The following VRK3 variants were observed in gnomAD, a reference collection of about 807,000 sequenced individuals.
VRK3 encodes VRK serine/threonine kinase 3.
Under a neutral mutation model 60.4 loss-of-function variants are expected in VRK3, and 50 were observed. The observed-to-expected ratio is 0.83, with a 90% CI of 0.66 to 1.05. VRK3 has a LOEUF of 1.05. Among genes scored for constraint, VRK3 ranks in the 50% least tolerant of loss-of-function variants. The pLI, the probability that VRK3 is intolerant of heterozygous loss-of-function variation, is 0.00. For synonymous variants in VRK3, 246 were observed against 227.8 expected, an observed-to-expected ratio of 1.08 and a Z score of -0.72; for missense variants, 549 against 585.3, an observed-to-expected ratio of 0.94 and a Z score of 0.64.
intron 13 of VRK3, among the ~76,000 whole-genome samples, chr19:49,979,945 G>A (rs965214839): frequency 6.6e-6 from 1 of 152,044 alleles, no homozygotes; most frequent in Non-Finnish European, 1.5e-5. Flanking sequence ...AGCTATTTGG[G>A]AGGCAGAGGC....
chr19:50,023,189 C>G (rs1193819805), intron 1 of VRK3, among the ~76,000 whole-genome samples: 1 of 152,100 alleles, frequency 6.6e-6, no homozygotes, highest in Non-Finnish European at 1.5e-5. Flanking sequence ...TGTGTTTTTT[C>G]TTTTCTTTTT....
At position 50,021,304 on chromosome 19, in the gene VRK3, C is replaced by G. The variant is rs553360735; in HGVS notation, c.-64-657G>C. ...AGGAGTCAGGGTCTCTGTTCCTCCC[C>G]CTTTGGATCTCGGCAGAGCTGTGAC... On this transcript the variant is annotated intron_variant, in intron 1 of 14. Transcript: ENST00000316763. Among the ~76,000 whole-genome samples the G allele has an allele frequency of 2.8e-4, 42 of 152,314 alleles. No individual in the cohort carries two copies. The South Asian group carries it at 3.7e-3, about 14-fold the overall frequency.
At chr19:50,014,236 C>G (rs2077038871) in intron 3 of VRK3, among the ~76,000 whole-genome samples, 1 of 151,990 alleles carries the variant, frequency 6.6e-6, no homozygotes, top group Non-Finnish European at 1.5e-5. Context: ...CCACTGCACT[C>G]CAGCCTGGGT....
chr19:50,019,354 C>A (rs1360808467), intron 2 of VRK3: 2 of 151,570 alleles, frequency 1.3e-5, no homozygotes, highest in Non-Finnish European at 2.9e-5. Flanking sequence ...AGGCGTGGGC[C>A]ACCATGCCTG....
chr19:49,995,359 A>G (rs546070278), intron 7 of VRK3, 84 bp from the exon 8 acceptor site: 7 of 1,259,708 alleles, frequency 5.6e-6, no homozygotes, highest in East Asian at 4.7e-5. Flanking sequence ...GAAGAAGCAC[A>G]GAGTGCCCAG....
At chr19:49,997,467 TCA>T in intron 7 of VRK3, 35 bp downstream of exon 7, 2 of 1,609,734 alleles carry the variant, frequency 1.2e-6, no homozygotes, top group Non-Finnish European at 1.7e-6. Flanking sequence ...GGCGCCCCCC[TCA>T]CTCTCCCCTC....
intron 5 of VRK3, among the ~76,000 whole-genome samples, chr19:50,006,159 A>T (rs1418439846): frequency 2.0e-5 from 3 of 151,178 alleles, no homozygotes. Context: ...AAATAAAAAA[A>T]TTTAGCCCGG....
chr19:49,997,756 C>T (rs1281789420), intron 6 of VRK3, 186 bp from the exon 7 acceptor site: 1 of 568,478 alleles, frequency 1.8e-6, no homozygotes, highest in African/African-American at 1.9e-5. Context: ...CTTGCTGTAC[C>T]CAGGTTCCTT....
intron 10 of VRK3, among the ~76,000 whole-genome samples, chr19:49,991,420 A>G (rs1323340412): frequency 6.6e-6 from 1 of 152,078 alleles, no homozygotes; most frequent in Non-Finnish European, 1.5e-5. Context: ...ATTGGAACTT[A>G]CATCATTGGC....
intron 5 of VRK3, among the ~76,000 whole-genome samples, chr19:50,004,620 T>C (rs1418531081): frequency 6.6e-6 from 1 of 152,100 alleles, no homozygotes; most frequent in Non-Finnish European, 1.5e-5. Flanking sequence ...CACAGAGAGT[T>C]CCCAAAGTGT....
At chr19:50,001,121 G>C (rs751078139) in intron 5 of VRK3, 13 of 387,748 alleles carry the variant, frequency 3.4e-5, no homozygotes, top group Non-Finnish European at 5.6e-5. Flanking sequence ...CCTGGATTCC[G>C]GGAGGGCTCC....
chr19:50,007,882 TG>T, intron 4 of VRK3, 56 bp from the exon 5 acceptor site: 1 of 1,604,238 alleles, frequency 6.2e-7, no homozygotes, highest in African/African-American at 1.3e-5. Context: ...AAAAGTTAGA[TG>T]GGGAGTGAAA....
chr19:49,994,805 G>A lies in VRK3; in HGVS notation c.870+9C>T. 6.2e-7 allele frequency: 1 copy of A among 1,611,380 alleles called. No homozygotes were observed. Among genetic ancestry groups the A allele is most frequent in the Non-Finnish European group, 8.5e-7 (1 of 1,178,464 alleles). ...TGACGCGGCAGCTGAGCAACTTCTG[G>A]GTACGCACCAGCCGGCAGGCCACCT... On this transcript the variant is annotated intron_variant, in intron 9 of 14. Coordinates refer to ENST00000316763, the MANE Select transcript of VRK3 (RefSeq NM_016440.4).
chr19:49,979,278 G>A (rs367636147), intron 13 of VRK3, 36 bp from the exon 14 acceptor site: 3 of 1,613,636 alleles, frequency 1.9e-6, no homozygotes, highest in Non-Finnish European at 2.5e-6. Flanking sequence ...GGGAGAGCCT[G>A]AGAGGCATCC....
intron 7 of VRK3, chr19:49,997,275 G>C (rs965846668): frequency 1.6e-5 from 7 of 451,050 alleles, no homozygotes; most frequent in Non-Finnish European, 8.0e-6. Context: ...GTCAACCCAC[G>C]CCCAGCCTGA....
At chr19:50,018,620 T>C (rs1344077307) in intron 2 of VRK3, among the ~76,000 whole-genome samples, 1 of 152,240 alleles carries the variant, frequency 6.6e-6, no homozygotes, top group East Asian at 1.9e-4. Context: ...TTTTACTCTC[T>C]AGAAAGCCAG....
intron 1 of VRK3, among the ~76,000 whole-genome samples, chr19:50,021,638 C>T (rs1470991637): frequency 1.3e-5 from 2 of 152,216 alleles, no homozygotes; most frequent in Non-Finnish European, 2.9e-5. Context: ...CAGAAACAGG[C>T]CACCTCACTG....
rs768133471 is a variant in VRK3 at position 49,995,280 on chromosome 19, G to A, written c.680-5C>T. ...ACAGCTTCTTCCACTTGTTGACTGC[G>A]GAAAGCAGGGGCTTGAGGTTAGAAC... is the stretch of plus-strand genomic sequence containing the variant. On this transcript the variant is annotated splice_region_variant and splice_polypyrimidine_tract_variant and intron_variant, in intron 7 of 14. Coordinates refer to ENST00000316763, the MANE Select transcript of VRK3 (RefSeq NM_016440.4). 93 of 1,613,962 alleles carry A rather than the reference G, an allele frequency of 5.8e-5. No individual in the cohort carries two copies. The highest frequency in any genetic ancestry group is 5.0e-5 in the Admixed American group (3 of 60,014).
At chr19:49,993,084 A>T in intron 9 of VRK3, 132 bp from the exon 10 acceptor site, 1 of 737,866 alleles carries the variant, frequency 1.4e-6, no homozygotes. Context: ...GTTAAACCTG[A>T]CTAAATCCGG....
Sources: gnomAD v4.1 joint callset for allele counts (sites outside exome capture counted in the v4.1 genomes callset) on GRCh38, gnomAD v4.1.1 for gene constraint, MANE v1.5 for transcripts, NCBI Gene and HGNC (gene_info 2026-07-23, HGNC 2026-07-21) for gene names.